Variants in APP observed in about 807,000 individuals in gnomAD.
APP encodes the protein amyloid-beta precursor protein.
APP carries 31 observed loss-of-function variants against 101.4 expected under a neutral mutation model. The observed-to-expected ratio is 0.31, with a 90% CI of 0.23 to 0.41. APP has a LOEUF of 0.41. APP is among the 10% of genes least tolerant of loss of function. The probability of loss-of-function intolerance (pLI) is 1.00; values close to 1 mark genes in which losing one functional copy is unlikely to be tolerated. For missense variants in APP, 839 were observed against 1,003.7 expected (o/e 0.84, Z 2.22); for synonymous variants, 366 against 364.4 (o/e 1.00, Z -0.05).
intron 1 of APP, among the ~76,000 whole-genome samples, chr21:26,136,046 G>A (rs1026107621): frequency 6.7e-6 from 1 of 150,048 alleles, no homozygotes; most frequent in South Asian, 2.1e-4. Context: ...CAGGAGAATC[G>A]CTTGAACCCA....
At chr21:25,930,177 G>A (rs2040078948) in intron 13 of APP, among the ~76,000 whole-genome samples, 1 of 152,130 alleles carries the variant, frequency 6.6e-6, no homozygotes, top group Non-Finnish European at 1.5e-5. Context: ...ACAACTCTAA[G>A]AGCAGCACTC....
chr21:26,016,339 T>G (rs749453218), intron 6 of APP, among the ~76,000 whole-genome samples: 6 of 152,162 alleles, frequency 3.9e-5, no homozygotes, highest in Non-Finnish European at 7.4e-5. Flanking sequence ...GCCTGATCAC[T>G]TCAAGTAAAA....
intron 8 of APP, among the ~76,000 whole-genome samples, chr21:25,993,893 C>G (rs578083594): frequency 6.6e-6 from 1 of 152,098 alleles, no homozygotes; most frequent in Non-Finnish European, 1.5e-5. Context: ...AGGACAGACT[C>G]CTAAAAATTA....
At chr21:26,163,113 T>C (rs143455750) in intron 1 of APP, among the ~76,000 whole-genome samples, 3,274 of 149,088 alleles carry the variant, frequency 0.022, 116 homozygotes, top group African/African-American at 0.075. Flanking sequence ...TGGTGGCACA[T>C]GCCTGTAAAC....
intron 2 of APP, among the ~76,000 whole-genome samples, chr21:26,105,994 G>A (rs992600304): frequency 6.6e-6 from 1 of 152,218 alleles, no homozygotes; most frequent in South Asian, 2.1e-4. Flanking sequence ...TCCTGATACT[G>A]AGTCCCTGCA....
In APP at chr21:26,028,611, A is replaced by C. The variant is rs144072367; in HGVS notation, c.663-6569T>G. Among the ~76,000 whole-genome samples the C allele has an allele frequency of 4.6e-5, 7 of 152,312 alleles. No individual in the cohort carries two copies. In the East Asian group the frequency reaches 1.4e-3, roughly 29 times the overall value. On this transcript the variant is annotated intron_variant, in intron 5 of 17. Coordinates refer to ENST00000346798, the MANE Select transcript of APP (RefSeq NM_000484.4). ...CCAATGGATAAATATTTGAGTTGAA[A>C]GGCATATGTACAAATTGATGATAAT...
chr21:26,109,552 C>A (rs920073807), intron 2 of APP, among the ~76,000 whole-genome samples: 3 of 152,222 alleles, frequency 2.0e-5, no homozygotes, highest in African/African-American at 4.8e-5. Context: ...ACTTAAACCT[C>A]TTTTCTTTAT....
intron 1 of APP, among the ~76,000 whole-genome samples, chr21:26,152,989 G>C (rs1468604852): frequency 6.6e-6 from 1 of 152,190 alleles, no homozygotes; most frequent in Non-Finnish European, 1.5e-5. Context: ...AATGTCTTTT[G>C]CAACAACTTG....
rs114065573 is a variant in APP, at chr21:25,916,017, T to C, written c.1688-4055A>G. On this transcript the variant is annotated intron_variant, in intron 13 of 17. Transcript: ENST00000346798. ...TGTTCAAAATAGGAAGAAATCCACA[T>C]TCCTATCTTAATTCAACACAGAAAA... is the stretch of plus-strand genomic sequence containing the variant. 7.1e-3 allele frequency among the ~76,000 whole-genome samples: 1,070 copies of C among 151,362 alleles called. 16 individuals carry two copies. Among genetic ancestry groups the C allele is most frequent in the African/African-American group, 0.024 (987 of 41,346 alleles).
intron 17 of APP, among the ~76,000 whole-genome samples, chr21:25,889,397 G>C (rs576194952): frequency 2.0e-5 from 3 of 152,170 alleles, no homozygotes; most frequent in African/African-American, 7.2e-5. Flanking sequence ...CCAGAAATGT[G>C]AGAGGGTAAA....
At chr21:25,899,963 ACCTAAC>A (rs1436909819) in intron 15 of APP, among the ~76,000 whole-genome samples, 1 of 152,028 alleles carries the variant, frequency 6.6e-6, no homozygotes, top group Non-Finnish European at 1.5e-5. Context: ...CCTCTCAATG[ACCTAAC>A]CCTCAACCCC....
intron 2 of APP, among the ~76,000 whole-genome samples, chr21:26,100,408 A>G (rs1809691275): frequency 6.6e-6 from 1 of 152,232 alleles, no homozygotes; most frequent in African/African-American, 2.4e-5. Flanking sequence ...GCCAATTTTC[A>G]GCCTACAAGG....
chr21:25,990,780 C>T (rs962920503), intron 8 of APP, among the ~76,000 whole-genome samples: 6 of 66,476 alleles, frequency 9.0e-5, no homozygotes, highest in African/African-American at 3.8e-4. Flanking sequence ...TGGGTCTCAA[C>T]TCATTAATAA....
intron 1 of APP, among the ~76,000 whole-genome samples, chr21:26,152,743 A>G (rs1266586609): frequency 6.6e-6 from 1 of 152,192 alleles, no homozygotes; most frequent in Non-Finnish European, 1.5e-5. Flanking sequence ...GAGATTTCCT[A>G]AAGAGTTAAA....
chr21:26,152,407 T>G (rs1376469245), intron 1 of APP, among the ~76,000 whole-genome samples: 1 of 151,932 alleles, frequency 6.6e-6, no homozygotes, highest in Non-Finnish European at 1.5e-5. Flanking sequence ...TAGCTCCAGT[T>G]TCCCTAAACA....
At chr21:26,119,355 C>T (rs951202994) in intron 1 of APP, among the ~76,000 whole-genome samples, 6 of 152,204 alleles carry the variant, frequency 3.9e-5, no homozygotes, top group Admixed American at 3.9e-4. Context: ...GCTTAAATGT[C>T]TAATTTGCAT....
chr21:25,882,691 G>A (rs1368500508), intron 17 of APP, among the ~76,000 whole-genome samples: 1 of 152,036 alleles, frequency 6.6e-6, no homozygotes, highest in African/African-American at 2.4e-5. Flanking sequence ...CCTTAACTCT[G>A]CTGAATGAGT....
At chr21:26,144,994 G>A (rs1172995011) in intron 1 of APP, among the ~76,000 whole-genome samples, 1 of 152,156 alleles carries the variant, frequency 6.6e-6, no homozygotes, top group African/African-American at 2.4e-5. Flanking sequence ...ACAATAAAAC[G>A]TTCTTTTCAA....
intron 8 of APP, among the ~76,000 whole-genome samples, chr21:25,992,652 A>C (rs1490941723): frequency 6.6e-6 from 1 of 152,198 alleles, no homozygotes; most frequent in Non-Finnish European, 1.5e-5. Context: ...GGCTTTGAAG[A>C]AAAAGCCATT....
Sources: gnomAD v4.1 joint callset for allele counts (sites outside exome capture counted in the v4.1 genomes callset) on GRCh38, gnomAD v4.1.1 for gene constraint, MANE v1.5 for transcripts, NCBI Gene and HGNC (gene_info 2026-07-23, HGNC 2026-07-21) for gene names.